Variants in KCNIP2 observed in about 807,000 individuals in gnomAD.
KCNIP2 encodes the protein A-type potassium channel modulatory protein KCNIP2.
In KCNIP2, 19 loss-of-function variants were observed where a neutral mutation model predicts 39.0. The observed-to-expected ratio is 0.49, with a 90% CI of 0.34 to 0.71. The LOEUF is 0.71. Among genes scored for constraint, KCNIP2 ranks in the 30% least tolerant of loss-of-function variants. KCNIP2 has a pLI of 0.01. For synonymous variants in KCNIP2, 111 were observed against 131.2 expected (o/e 0.85, Z 1.05); for missense variants, 261 against 346.0 (o/e 0.75, Z 1.95).
In KCNIP2 at chr10:101,843,595, G is replaced by T; in HGVS notation, c.-27C>A. ...GCCCCCGGCGCCCCGCTCCCGCCCG[G>T]GCCGTGGGAGGGGGCGCCGGGTGGC... On this transcript the variant is annotated 5_prime_UTR_variant, in exon 1 of 10. Transcript: ENST00000356640. The surrounding 1 kb of genome is among the most constrained non-coding windows in gnomAD (Gnocchi z 6.7). 1 of 1,400,430 alleles carries T rather than the reference G, an allele frequency of 7.1e-7. No individual in the cohort carries two copies. Among genetic ancestry groups the T allele is most frequent in the Non-Finnish European group, 9.4e-7 (1 of 1,061,486 alleles). The allele number at this position is 1,400,430 out of a possible 1,614,324, so 86.8% of individuals were successfully genotyped here.
intron 1 of KCNIP2, among the ~76,000 whole-genome samples, chr10:101,831,639 T>C (rs1465596936): frequency 6.6e-6 from 1 of 151,956 alleles, no homozygotes; most frequent in Non-Finnish European, 1.5e-5. Flanking sequence ...TGGCGTAATA[T>C]GCATGCTCAC....
At chr10:101,837,232 T>C (rs2066191114) in intron 1 of KCNIP2, among the ~76,000 whole-genome samples, 1 of 152,182 alleles carries the variant, frequency 6.6e-6, no homozygotes, top group Non-Finnish European at 1.5e-5. Context: ...TTATTCCTGT[T>C]TTTACAGCTG....
At chr10:101,832,170 C>T (rs369980298) in intron 1 of KCNIP2, among the ~76,000 whole-genome samples, 74 of 152,232 alleles carry the variant, frequency 4.9e-4, no homozygotes, top group African/African-American at 1.7e-3. Context: ...ATCTTGGAGG[C>T]GAGTATTCTG....
chr10:101,830,954 C>T (rs2065970441), intron 2 of KCNIP2, 118 bp downstream of exon 2: 1 of 931,604 alleles, frequency 1.1e-6, no homozygotes, highest in Non-Finnish European at 1.7e-6. Flanking sequence ...CCCCCCCACA[C>T]ATGCAGGCCT....
intron 1 of KCNIP2, among the ~76,000 whole-genome samples, chr10:101,840,245 A>T (rs988812497): frequency 1.9e-5 from 2 of 106,028 alleles, no homozygotes; most frequent in African/African-American, 7.5e-5. Flanking sequence ...TCCTCCCCGC[A>T]CCCTGCACCC....
intron 1 of KCNIP2, among the ~76,000 whole-genome samples, chr10:101,834,967 G>A (rs1564669448): frequency 6.6e-6 from 1 of 152,194 alleles, no homozygotes. Flanking sequence ...TGTGTGTTTG[G>A]CGTATGGTTA....
At position 101,836,485 on chromosome 10, in the gene KCNIP2, G is replaced by A. The variant is rs1026928759; in HGVS notation, c.74-5318C>T. On this transcript the variant is annotated intron_variant, in intron 1 of 9. Coordinates refer to ENST00000356640, the MANE Select transcript of KCNIP2 (RefSeq NM_173191.3). ...TCCTGGCCTGAAGTGATCTGCCCCC[G>A]TCGGCATCCCAAAGTGCTGGAATTC... is the stretch of plus-strand genomic sequence containing the variant. 7.3e-5 allele frequency among the ~76,000 whole-genome samples: 11 copies of A among 151,600 alleles called. No individual in the cohort carries two copies. The East Asian group carries it at 7.8e-4, about 11-fold the overall frequency.
chr10:101,832,709 G>A (rs1035339829), intron 1 of KCNIP2, among the ~76,000 whole-genome samples: 11 of 152,110 alleles, frequency 7.2e-5, no homozygotes, highest in African/African-American at 1.9e-4. Flanking sequence ...GCTGGATTGC[G>A]CCTGGGGCCT....
chr10:101,827,691 T>TTTGACAAGACAATTCA lies in KCNIP2; in HGVS notation c.762_763insTGAATTGTCTTGTCAA (p.Lys255Ter). 6.2e-7 allele frequency: 1 copy of TTTGACAAGACAATTCA among 1,614,108 alleles called. No homozygotes were observed. The highest frequency in any genetic ancestry group is 8.5e-7 in the Non-Finnish European group (1 of 1,179,970). ...ATGTAGAGGGCAGGGAGCTGTACCT[T>TTTGACAAGACAATTCA]TTGACAAGACTCAATGAATTCCTCA... On this transcript the variant is annotated stop_gained and frameshift_variant, in exon 9 of 10. Coordinates refer to ENST00000356640, the MANE Select transcript of KCNIP2 (RefSeq NM_173191.3). LOFTEE classifies it high-confidence loss of function.
chr10:101,829,350 TGAGGTAAGGA>T (rs879372941), intron 3 of KCNIP2, 151 bp from the exon 4 acceptor site: 64 of 992,018 alleles, frequency 6.5e-5, no homozygotes, highest in Admixed American at 1.2e-4. Context: ...CCAAGGACAC[TGAGGTAAGGA>T]GAAAAGATGA....
chr10:101,830,831 G>GC (rs907851127), intron 2 of KCNIP2, among the ~76,000 whole-genome samples: 10 of 145,066 alleles, frequency 6.9e-5, no homozygotes, highest in South Asian at 4.4e-4. Context: ...GGTAGGGCAC[G>GC]CCCCCCCACA....
chr10:101,840,016 T>G, intron 1 of KCNIP2: 10 of 197,718 alleles, frequency 5.1e-5, no homozygotes, highest in Middle Eastern at 2.3e-3. Flanking sequence ...GAGCTCACCC[T>G]GGCCCCATCA....
rs1175436543 is a variant in KCNIP2 at position 101,828,251 on chromosome 10, A to G, written c.497T>C (p.Val166Ala). The G allele has an allele frequency of 1.2e-6, 2 of 1,614,012 alleles. No homozygotes were observed. The change falls in exon 7 of 10, where the codon GTG becomes GCG. Residue 166 changes from valine (V) to alanine (A), a missense_variant. Physicochemically the swap from Val to Ala is moderately conservative, Grantham distance 64. Transcript: ENST00000356640. This position sits in a 1 kb window ranked among gnomAD's most constrained non-coding sequence, Gnocchi z 6.6. Reference sequence around the variant, plus strand: ...CCGAAGAATCACGGACAAACCAGCCACAAAGTCCTGGGAAGGAGGCAGGAG... The same window carrying G: ...CCGAAGAATCACGGACAAACCAGCCGCAAAGTCCTGGGAAGGAGGCAGGAG... ...HDGSVSFEDF[V>A]AGLSVILRGT...
chr10:101,828,804 C>T lies in KCNIP2; in HGVS notation c.349-108G>A, dbSNP rs761643658. 5 of 1,596,734 alleles carry T rather than the reference C, an allele frequency of 3.1e-6. No individual in the cohort carries two copies. The highest frequency in any genetic ancestry group is 4.3e-6 in the Non-Finnish European group (5 of 1,171,374). On this transcript the variant is annotated intron_variant, in intron 4 of 9. Coordinates refer to ENST00000356640, the MANE Select transcript of KCNIP2 (RefSeq NM_173191.3). This position sits in a 1 kb window ranked among gnomAD's most constrained non-coding sequence, Gnocchi z 6.6. Reference sequence around the variant, plus strand: ...CCAGGGAGGGGGATAATCTTCAAGCCTCCAGAGGACTCACCACGTGGCTCA... The same window carrying T: ...CCAGGGAGGGGGATAATCTTCAAGCTTCCAGAGGACTCACCACGTGGCTCA...
chr10:101,830,264 G>T (rs538027886), intron 2 of KCNIP2, among the ~76,000 whole-genome samples: 9 of 152,292 alleles, frequency 5.9e-5, no homozygotes, highest in Non-Finnish European at 1.0e-4. Context: ...CTCAGCAGGG[G>T]ACCAGGCTGG....
At chr10:101,839,698 C>G in intron 1 of KCNIP2, 1 of 1,537,364 alleles carries the variant, frequency 6.5e-7, no homozygotes, top group Admixed American at 1.7e-5. Flanking sequence ...AGCTCCTAAC[C>G]CACTTCGCTC....
chr10:101,836,774 A>G (rs1015497935), intron 1 of KCNIP2, among the ~76,000 whole-genome samples: 1 of 152,152 alleles, frequency 6.6e-6, no homozygotes, highest in African/African-American at 2.4e-5. Flanking sequence ...CAGCCTGGCC[A>G]AAATGGTGAA....
At position 101,827,155 on chromosome 10, in the gene KCNIP2, C is replaced by A. The variant is rs1040170120; in HGVS notation, c.*198G>T. On this transcript the variant is annotated 3_prime_UTR_variant, in exon 10 of 10. Transcript: ENST00000356640. ...AGAGCTGGTGGGAGTTGGGAACACC[C>A]CCCGAGATGCACTCTGCCCACTCTC... The A allele has an allele frequency of 1.6e-6, 2 of 1,258,070 alleles. No homozygotes were observed. Among genetic ancestry groups the A allele is most frequent in the Admixed American group, 3.3e-5 (1 of 30,424 alleles). 77.9% of individuals were successfully genotyped at this position (1,258,070 alleles called of 1,614,324 possible). A position where few individuals can be genotyped will look rare whatever the true frequency, so the allele number is the denominator to read the frequency against.
chr10:101,830,025 C>A, intron 2 of KCNIP2, 128 bp from the exon 3 acceptor site: 1 of 1,106,112 alleles, frequency 9.0e-7, no homozygotes, highest in Non-Finnish European at 1.3e-6. Context: ...CCAGCACAGA[C>A]ACACACGAAA....
Sources: gnomAD v4.1 joint callset for allele counts (sites outside exome capture counted in the v4.1 genomes callset) on GRCh38, gnomAD v4.1.1 for gene constraint, Gnocchi (gnomAD v3.1) non-coding constraint, MANE v1.5 for transcripts, NCBI Gene and HGNC (gene_info 2026-07-23, HGNC 2026-07-21) for gene names.